Variants in RNF6 observed in about 807,000 individuals in gnomAD.
RNF6 encodes ring finger protein 6.
RNF6 carries 21 observed loss-of-function variants against 50.1 expected under a neutral mutation model. That is an observed-to-expected ratio of 0.42 (90% confidence interval 0.30 to 0.60). RNF6 has a LOEUF of 0.60. RNF6 is among the 20% of genes least tolerant of loss of function. The pLI, the probability that RNF6 is intolerant of heterozygous loss-of-function variation, is 0.20. For synonymous variants in RNF6, 255 were observed against 291.8 expected, an observed-to-expected ratio of 0.87 and a Z score of 1.29; for missense variants, 698 against 838.2, an observed-to-expected ratio of 0.83 and a Z score of 2.07.
At chr13:26,157,853 A>C (rs1243835225) in intron 5 of RNF6, among the ~76,000 whole-genome samples, 1 of 152,114 alleles carries the variant, frequency 6.6e-6, no homozygotes, top group Non-Finnish European at 1.5e-5. Flanking sequence ...AGTTGCCCAC[A>C]GAATAAGAGA....
chr13:26,152,780 C>T (rs1019558286), intron 5 of RNF6, among the ~76,000 whole-genome samples: 1 of 152,096 alleles, frequency 6.6e-6, no homozygotes, highest in Admixed American at 6.5e-5. Context: ...ATCATTGTTA[C>T]AGACATTAGA....
intron 5 of RNF6, among the ~76,000 whole-genome samples, chr13:26,202,712 A>G (rs1868942343): frequency 6.6e-6 from 1 of 152,272 alleles, no homozygotes; most frequent in African/African-American, 2.4e-5. Context: ...TGACAGACAG[A>G]GGGTCAATGA....
intron 5 of RNF6, among the ~76,000 whole-genome samples, chr13:26,193,710 T>A (rs1868550397): frequency 6.6e-6 from 1 of 152,212 alleles, no homozygotes; most frequent in African/African-American, 2.4e-5. Flanking sequence ...ACTGAAGGAA[T>A]GATCCAGTAC....
At chr13:26,195,955 G>C (rs764505538) in intron 5 of RNF6, among the ~76,000 whole-genome samples, 6 of 152,042 alleles carry the variant, frequency 3.9e-5, no homozygotes, top group Non-Finnish European at 5.9e-5. Flanking sequence ...AGGTCTAATG[G>C]AAAAATTTCA....
chr13:26,185,020 G>A lies in RNF6; in HGVS notation n.768+30454C>T, dbSNP rs926850782. Among the ~76,000 whole-genome samples the A allele has an allele frequency of 1.6e-4, 24 of 152,062 alleles. 1 individual carries two copies. Among genetic ancestry groups the A allele is most frequent in the Admixed American group, 1.4e-3 (21 of 15,266 alleles). On this transcript the variant is annotated intron_variant and non_coding_transcript_variant, in intron 5 of 5. Transcript: ENST00000468480. ...GATTGATTGATTGACTATTAAGACA[G>A]GATTTCACTCAGCCACCCCAAGCTG...
intron 5 of RNF6, among the ~76,000 whole-genome samples, chr13:26,158,809 T>C (rs1331800150): frequency 6.6e-6 from 1 of 152,164 alleles, no homozygotes; most frequent in African/African-American, 2.4e-5. Flanking sequence ...ATTACTTTTG[T>C]GTTTGCCTTT....
At chr13:26,132,237 A>T (rs1322165604) in exon 6 of RNF6, 2 of 290,176 alleles carry the variant, frequency 6.9e-6, no homozygotes, top group African/African-American at 4.4e-5. Context: ...CAATGTTTTA[A>T]AATGTAATCA....
intron 5 of RNF6, among the ~76,000 whole-genome samples, chr13:26,175,952 G>C (rs2137646029): frequency 6.6e-6 from 1 of 152,256 alleles, no homozygotes; most frequent in South Asian, 2.1e-4. Flanking sequence ...TTGGAACACA[G>C]CACTCTCACA....
At chr13:26,171,441 A>G (rs1872692395) in intron 5 of RNF6, among the ~76,000 whole-genome samples, 1 of 152,210 alleles carries the variant, frequency 6.6e-6, no homozygotes. Context: ...AGCATTGTGC[A>G]TTGGTGGGAA....
At chr13:26,151,001 A>T (rs181101845) in intron 5 of RNF6, 318 of 152,318 alleles carry the variant, frequency 2.1e-3, no homozygotes, top group African/African-American at 7.3e-3. Flanking sequence ...AAGTCACACT[A>T]CTAGTGACAT....
At chr13:26,146,081 G>A (rs541617799) in intron 5 of RNF6, among the ~76,000 whole-genome samples, 3 of 152,314 alleles carry the variant, frequency 2.0e-5, no homozygotes, top group Admixed American at 6.5e-5. Context: ...TCCATTCAGA[G>A]ATAGTGTCCA....
At chr13:26,194,408 TA>T (rs1232195137) in intron 5 of RNF6, among the ~76,000 whole-genome samples, 7 of 152,160 alleles carry the variant, frequency 4.6e-5, no homozygotes, top group African/African-American at 7.2e-5. Flanking sequence ...TTGTGAAGTT[TA>T]CAGTCCAGAG....
chr13:26,184,018 A>ATATATATATTTTTTTTTT (rs1335766541), intron 5 of RNF6, among the ~76,000 whole-genome samples: 1 of 33,942 alleles, frequency 2.9e-5, no homozygotes, highest in African/African-American at 9.3e-5. Context: ...ATATATATAT[A>ATATATATATTTTTTTTTT]TTTTTTTTTT....
Position 26,191,420 on chromosome 13 carries a change from G to A in RNF6, n.768+24054C>T, listed in dbSNP as rs369071018. Among the ~76,000 whole-genome samples the A allele has an allele frequency of 5.3e-5, 8 of 152,230 alleles. No homozygotes were observed. The East Asian group carries it at 1.2e-3, about 22-fold the overall frequency. ...GTGGCGGTCAATTAATAAATAAGCA[G>A]TTAGCTTATTTATTTGATATGGTTT... On this transcript the variant is annotated intron_variant and non_coding_transcript_variant, in intron 5 of 5. Transcript: ENST00000468480.
At chr13:26,208,060 T>G (rs1253539804), downstream of RNF6, among the ~76,000 whole-genome samples, 2 of 152,112 alleles carry the variant, frequency 1.3e-5, no homozygotes, top group Non-Finnish European at 2.9e-5. Context: ...GTCCTAGAAT[T>G]TAGGAGAATG....
At chr13:26,192,930 G>A (rs1868518558) in intron 5 of RNF6, among the ~76,000 whole-genome samples, 1 of 152,192 alleles carries the variant, frequency 6.6e-6, no homozygotes, top group African/African-American at 2.4e-5. Flanking sequence ...GTGGTATATT[G>A]TAAGCTGCTA....
rs189478561 is a variant in RNF6, at chr13:26,192,212, A to G, written n.768+23262T>C. ...AATCACTCTTATTTTTATATTGAAAATGGGCAAAGGCAGAAGCAGGGAGAC... is the reference window on the plus strand; with the variant it reads ...AATCACTCTTATTTTTATATTGAAAGTGGGCAAAGGCAGAAGCAGGGAGAC... On this transcript the variant is annotated intron_variant and non_coding_transcript_variant, in intron 5 of 5. Coordinates refer to the RNF6 transcript ENST00000468480. Among the ~76,000 whole-genome samples the G allele has an allele frequency of 8.2e-4, 125 of 152,360 alleles. 2 individuals are homozygous for G. Among genetic ancestry groups the G allele is most frequent in the Non-Finnish European group, 4.4e-5 (3 of 68,036 alleles).
Position 26,214,335 on chromosome 13 carries a change from A to G in RNF6, c.1547T>C (p.Met516Thr). 6.2e-7 allele frequency: 1 copy of G among 1,614,128 alleles called. No homozygotes were observed. The highest frequency in any genetic ancestry group is 8.5e-7 in the Non-Finnish European group (1 of 1,180,024). The change falls in exon 5 of 5, where the codon ATG becomes ACG. Residue 516 changes from methionine (M) to threonine (T), a missense_variant. By Grantham distance (81) the Met-to-Thr change is moderately conservative. Transcript: ENST00000381588. ...LQRNGQHLPD[M>T]HSELSNLGTD... The stretch of plus-strand genomic sequence containing the variant: ...ACCTAAGTTACTCAGTTCTGAGTGC[A>G]TGTCTGGTAAATGCTGGCCATTTCT...
intron 5 of RNF6, among the ~76,000 whole-genome samples, chr13:26,203,106 G>A (rs1248305630): frequency 2.6e-5 from 4 of 152,216 alleles, no homozygotes; most frequent in African/African-American, 9.6e-5. Context: ...TTTGGGCCAT[G>A]AGCTGACATC....
Sources: allele counts gnomAD v4.1 joint callset (sites outside exome capture counted in the v4.1 genomes callset), GRCh38; gene constraint gnomAD v4.1.1; transcripts MANE v1.5; gene names NCBI Gene and HGNC (gene_info 2026-07-23, HGNC 2026-07-21).